MMP2: variants seen among roughly 807,000 people sequenced by gnomAD.
MMP2 encodes 72 kDa type IV collagenase.
Under a neutral mutation model 74.8 loss-of-function variants are expected in MMP2, and 39 were observed. The ratio of observed to expected loss-of-function variants is 0.52; its 90% CI spans 0.40 to 0.68. MMP2 has a LOEUF of 0.68. Ranked by LOEUF, MMP2 falls within the 30% of genes least tolerant of loss-of-function variation. MMP2 has a pLI of 0.00. For synonymous variants in MMP2, 367 were observed against 339.8 expected (o/e 1.08, Z -0.88); for missense variants, 803 against 878.3 (o/e 0.91, Z 1.08).
At chr16:55,479,695 G>T (rs1324392478) in intron 1 of MMP2, 63 bp downstream of exon 1, 1 of 1,606,240 alleles carries the variant, frequency 6.2e-7, no homozygotes, top group East Asian at 2.2e-5. Context: ...AAAGGATGGG[G>T]GTGTCTCTCC....
chr16:55,501,393 C>G (rs1962662968), intron 11 of MMP2, among the ~76,000 whole-genome samples: 1 of 152,222 alleles, frequency 6.6e-6, no homozygotes, highest in African/African-American at 2.4e-5. Flanking sequence ...TTGACTTCTG[C>G]CATCCCCACC....
rs561800947 is a variant in MMP2 at position 55,488,679 on chromosome 16, C to T, written c.969C>T (p.Tyr323=). The T allele has an allele frequency of 1.6e-5, 26 of 1,611,452 alleles. No individual in the cohort carries two copies. In the East Asian group the frequency reaches 2.2e-4, roughly 14 times the overall value. The change falls in exon 6 of 13, where the codon TAC becomes TAT. Residue 323 remains tyrosine (Y), a synonymous_variant. Transcript: ENST00000219070. ...GYRWCGTTED[Y]DRDKKYGFCP... ...GCTGGTGCGGCACCACTGAGGACTACGACCGCGACAAGAAGTATGGCTTCT... is the reference window on the plus strand; with the variant it reads ...GCTGGTGCGGCACCACTGAGGACTATGACCGCGACAAGAAGTATGGCTTCT...
chr16:55,482,249 G>A (rs1962123366), intron 1 of MMP2, among the ~76,000 whole-genome samples: 1 of 152,180 alleles, frequency 6.6e-6, no homozygotes, highest in Non-Finnish European at 1.5e-5. Flanking sequence ...AGTTTGGGCA[G>A]GGCCAGTTGT....
chr16:55,492,404 G>A (rs1362672555), intron 8 of MMP2, among the ~76,000 whole-genome samples: 1 of 151,772 alleles, frequency 6.6e-6, no homozygotes, highest in East Asian at 1.9e-4. Flanking sequence ...AGTAGAAACA[G>A]AACAACCAGT....
chr16:55,483,936 T>A (rs1962171723), intron 2 of MMP2, 80 bp from the exon 3 acceptor site: 10 of 1,501,494 alleles, frequency 6.7e-6, no homozygotes, highest in African/African-American at 1.4e-5. Context: ...TTTTCATACA[T>A]CTGTGCACAC....
intron 7 of MMP2, among the ~76,000 whole-genome samples, chr16:55,490,458 T>G (rs1962377698): frequency 6.6e-6 from 1 of 152,124 alleles, no homozygotes; most frequent in Non-Finnish European, 1.5e-5. Context: ...CCCCTAGGAC[T>G]CACAAGCTCA....
chr16:55,494,092 G>T (rs243841), intron 9 of MMP2, among the ~76,000 whole-genome samples: 47,196 of 151,954 alleles, frequency 0.31, 7,925 homozygotes, highest in South Asian at 0.38. Context: ...CATCCATCCA[G>T]CCAGCCAGCC....
At position 55,485,380 on chromosome 16, in the gene MMP2, AC is replaced by A. The variant is rs1215445019; in HGVS notation, c.612del (p.Ser205ProfsTer19). On this transcript the variant is annotated frameshift_variant, in exon 4 of 13. Transcript: ENST00000219070. LOFTEE classifies it high-confidence loss of function. ...AFAPGTGVGGDSHFDDDELWT... is the reference protein window; with the variant it reads ...AFAPGTGVGGXSHFDDDELWT... ...GCCCCAGGCACTGGTGTTGGGGGAG[AC>A]TCCCATTTTGATGACGATGAGCTAT... 6.2e-7 allele frequency: 1 copy of A among 1,613,432 alleles called. No homozygotes were observed. Among genetic ancestry groups the A allele is most frequent in the African/African-American group, 1.3e-5 (1 of 74,726 alleles).
chr16:55,487,678 C>T (rs1481117298), intron 5 of MMP2: 1 of 152,360 alleles, frequency 6.6e-6, no homozygotes, highest in Non-Finnish European at 1.5e-5. Context: ...TTGGCAATTC[C>T]AGAGACACCA....
At chr16:55,501,569 A>G (rs1402600543) in intron 11 of MMP2, among the ~76,000 whole-genome samples, 1 of 152,202 alleles carries the variant, frequency 6.6e-6, no homozygotes, top group African/African-American at 2.4e-5. Context: ...GACCCAGGGC[A>G]TGAGGAAGCA....
chr16:55,490,903 A>G (rs1443121037), intron 7 of MMP2, among the ~76,000 whole-genome samples: 2 of 152,168 alleles, frequency 1.3e-5, no homozygotes, highest in African/African-American at 4.8e-5. Context: ...AAGTGCCACA[A>G]ACTGATGGCT....
chr16:55,482,970 A>C lies in MMP2; in HGVS notation c.215A>C (p.Asp72Ala), dbSNP rs1567372818. The stretch of plus-strand genomic sequence containing the variant: ...AGCTGCAACCTGTTTGTGCTGAAGG[A>C]CACACTAAAGAAGATGCAGAAGTTC... ...KESCNLFVLKDTLKKMQKFFG... is the reference protein window; with the variant it reads ...KESCNLFVLKATLKKMQKFFG... The change falls in exon 2 of 13, where the codon GAC becomes GCC. Residue 72 changes from aspartate (D) to alanine (A), a missense_variant. Transcript: ENST00000219070. 6.2e-7 allele frequency: 1 copy of C among 1,614,222 alleles called. No homozygotes were observed. Among genetic ancestry groups the C allele is most frequent in the Non-Finnish European group, 8.5e-7 (1 of 1,180,034 alleles).
intron 11 of MMP2, among the ~76,000 whole-genome samples, chr16:55,501,646 G>T (rs1962669797): frequency 6.6e-6 from 1 of 152,196 alleles, no homozygotes; most frequent in African/African-American, 2.4e-5. Flanking sequence ...GTTCTTCGGG[G>T]TGATGGCTGA....
chr16:55,498,253 C>A, intron 10 of MMP2, 36 bp from the exon 11 acceptor site: 1 of 1,612,524 alleles, frequency 6.2e-7, no homozygotes, highest in Non-Finnish European at 8.5e-7. Flanking sequence ...TAGGGCATGT[C>A]AGCACCAGCC....
intron 12 of MMP2, among the ~76,000 whole-genome samples, chr16:55,504,842 C>T (rs1334218579): frequency 2.0e-5 from 3 of 151,808 alleles, no homozygotes; most frequent in Non-Finnish European, 2.9e-5. Flanking sequence ...TTAGTAGAGA[C>T]GAGGTTTCAC....
chr16:55,494,194 T>G (rs1420689106), intron 9 of MMP2, among the ~76,000 whole-genome samples: 1 of 152,232 alleles, frequency 6.6e-6, no homozygotes, highest in Non-Finnish European at 1.5e-5. Flanking sequence ...GAAAATGGAC[T>G]CTGAAGCCAG....
At chr16:55,481,612 C>T (rs1962102126) in intron 1 of MMP2, 1 of 473,602 alleles carries the variant, frequency 2.1e-6, no homozygotes, top group African/African-American at 2.0e-5. Context: ...CTCATCTTAC[C>T]CAGCCCCCCA....
chr16:55,491,490 G>A (rs894780610), intron 7 of MMP2, among the ~76,000 whole-genome samples: 1 of 152,122 alleles, frequency 6.6e-6, no homozygotes, highest in South Asian at 2.1e-4. Flanking sequence ...AATGAATGGG[G>A]TTTTAAGTAG....
chr16:55,480,110 G>A (rs1489762677), intron 1 of MMP2: 1 of 159,408 alleles, frequency 6.3e-6, no homozygotes, highest in African/African-American at 2.4e-5. Context: ...AGGACTTTGG[G>A]AACGGTGCTC....
Sources: allele counts gnomAD v4.1 joint callset (sites outside exome capture counted in the v4.1 genomes callset), GRCh38; gene constraint gnomAD v4.1.1; transcripts MANE v1.5; gene names NCBI Gene and HGNC (gene_info 2026-07-23, HGNC 2026-07-21).